SEMA6D: variants seen among roughly 807,000 people sequenced by gnomAD.
The protein encoded by SEMA6D is semaphorin-6D.
A neutral mutation model predicts 106.6 loss-of-function variants in SEMA6D; 35 were observed. That is an observed-to-expected ratio of 0.33 (90% CI 0.25 to 0.44). The LOEUF (loss-of-function observed/expected upper bound fraction) is 0.44. Ranked by LOEUF, SEMA6D falls within the 20% of genes least tolerant of loss-of-function variation. The pLI is 1.00. For synonymous variants in SEMA6D, 499 were observed against 487.7 expected (o/e 1.02, Z -0.31); for missense variants, 1,185 against 1,345.9 (o/e 0.88, Z 1.87).
chr15:47,502,763 C>G (rs2043897328), intron 3 of SEMA6D, among the ~76,000 whole-genome samples: 2 of 152,198 alleles, frequency 1.3e-5, no homozygotes, highest in Admixed American at 1.3e-4. Flanking sequence ...TGTATTAATA[C>G]TCTTCCTGCC....
chr15:47,457,275 T>C (rs2042372375), intron 2 of SEMA6D, among the ~76,000 whole-genome samples: 1 of 151,726 alleles, frequency 6.6e-6, no homozygotes, highest in Admixed American at 6.6e-5. Flanking sequence ...CATTCAAAAA[T>C]ATAAAATTCA....
chr15:47,186,414 ACC>A (rs1442464017), intron 1 of SEMA6D, among the ~76,000 whole-genome samples: 8 of 152,188 alleles, frequency 5.3e-5, no homozygotes, highest in African/African-American at 9.7e-5. Context: ...AGGCATCCAG[ACC>A]ATACTCACGG....
chr15:47,404,479 A>G (rs879696567), intron 1 of SEMA6D, among the ~76,000 whole-genome samples: 7 of 152,278 alleles, frequency 4.6e-5, no homozygotes, highest in Non-Finnish European at 8.8e-5. Context: ...TCACAGGACC[A>G]TCTGATTGAA....
chr15:47,220,951 A>G (rs2031140449), intron 1 of SEMA6D, among the ~76,000 whole-genome samples: 1 of 152,240 alleles, frequency 6.6e-6, no homozygotes, highest in African/African-American at 2.4e-5. Context: ...CAATAACCAC[A>G]ATGTTAATAT....
intron 1 of SEMA6D, among the ~76,000 whole-genome samples, chr15:47,222,088 G>A (rs1012692898): frequency 6.6e-6 from 1 of 152,036 alleles, no homozygotes; most frequent in Non-Finnish European, 1.5e-5. Context: ...CCAACTGAGT[G>A]GATTATAATT....
At chr15:47,265,356 T>C in intron 1 of SEMA6D, among the ~76,000 whole-genome samples, 1 of 151,962 alleles carries the variant, frequency 6.6e-6, no homozygotes, top group Non-Finnish European at 1.5e-5. Flanking sequence ...TGTCTATGAT[T>C]GTATCCATTT....
intron 2 of SEMA6D, among the ~76,000 whole-genome samples, chr15:47,470,314 T>G (rs182769406): frequency 7.9e-5 from 12 of 152,270 alleles, no homozygotes; most frequent in African/African-American, 2.9e-4. Flanking sequence ...CATGGAGAAA[T>G]CTTTTTGATT....
intron 1 of SEMA6D, among the ~76,000 whole-genome samples, chr15:47,261,486 GCT>G (rs2034073141): frequency 1.3e-5 from 2 of 152,040 alleles, no homozygotes; most frequent in South Asian, 4.1e-4. Context: ...TTTGGTCTCA[GCT>G]CTGTTTTATT....
At position 47,763,774 on chromosome 15, in the gene SEMA6D, C is replaced by T. The variant is rs2082189454; in HGVS notation, c.748-76C>T. 16 of 1,291,716 alleles carry T rather than the reference C, an allele frequency of 1.2e-5. No homozygotes were observed. The South Asian group carries it at 1.4e-4, about 12-fold the overall frequency. The allele number at this position is 1,291,716 out of a possible 1,614,324, so 80.0% of individuals were successfully genotyped here. On this transcript the variant is annotated intron_variant, in intron 9 of 18. Coordinates refer to ENST00000536845, the MANE Select transcript of SEMA6D (RefSeq NM_001358351.3). ...GTATCTTTAGTATTTTTTGTCCCTCCCTTAAACAGTATCATTTTGTTTCCA... is the reference window on the plus strand; with the variant it reads ...GTATCTTTAGTATTTTTTGTCCCTCTCTTAAACAGTATCATTTTGTTTCCA...
chr15:47,281,100 G>C (rs4447358), intron 1 of SEMA6D, among the ~76,000 whole-genome samples: 1 of 36,370 alleles, frequency 2.7e-5, no homozygotes, highest in Non-Finnish European at 5.1e-5. Context: ...TTTCTGTCTT[G>C]TTGATCTGTC....
intron 1 of SEMA6D, among the ~76,000 whole-genome samples, chr15:47,241,631 G>A (rs1404414360): frequency 1.3e-5 from 2 of 151,494 alleles, no homozygotes; most frequent in African/African-American, 2.4e-5. Flanking sequence ...AACTTAGATT[G>A]TCAAACCAAC....
chr15:47,241,957 C>T (rs1193863966), intron 1 of SEMA6D, among the ~76,000 whole-genome samples: 1 of 152,022 alleles, frequency 6.6e-6, no homozygotes, highest in East Asian at 1.9e-4. Flanking sequence ...CCAATCTGTA[C>T]AAGCTTTGTG....
chr15:47,395,886 G>A (rs2040197880), intron 1 of SEMA6D, among the ~76,000 whole-genome samples: 2 of 152,180 alleles, frequency 1.3e-5, no homozygotes, highest in African/African-American at 4.8e-5. Flanking sequence ...GTTGTAGATT[G>A]CATGTTTGCA....
chr15:47,355,338 T>A (rs1374716894), intron 1 of SEMA6D, among the ~76,000 whole-genome samples: 1 of 152,186 alleles, frequency 6.6e-6, no homozygotes, highest in Non-Finnish European at 1.5e-5. Context: ...CTCTAAAATT[T>A]CTTATTGTAG....
intron 1 of SEMA6D, among the ~76,000 whole-genome samples, chr15:47,356,221 C>T (rs1416605690): frequency 6.6e-6 from 1 of 152,182 alleles, no homozygotes; most frequent in East Asian, 1.9e-4. Flanking sequence ...CTAAATCCCT[C>T]AGGGAGGATA....
In SEMA6D at chr15:47,759,860, T is replaced by C; in HGVS notation, c.62T>C (p.Val21Ala). ...LLLMVSQLRAVSFPEDDEPLN... is the reference protein window; with the variant it reads ...LLLMVSQLRAASFPEDDEPLN... Reference sequence around the variant, plus strand: ...CTGATGGTTTCCCAGTTGAGGGCAGTCAGCTTTCCTGAAGATGATGAACCC... The same window carrying C: ...CTGATGGTTTCCCAGTTGAGGGCAGCCAGCTTTCCTGAAGATGATGAACCC... The change falls in exon 2 of 19, where the codon GTC becomes GCC. Residue 21 changes from valine (V) to alanine (A), a missense_variant. Physicochemically the swap from Val to Ala is moderately conservative, Grantham distance 64. Around this residue, in one of 3 missense-constraint regions of SEMA6D, gnomAD observed 144 missense variants for 138.6 expected, o/e 1.04. Transcript: ENST00000536845. 6.2e-7 allele frequency: 1 copy of C among 1,613,800 alleles called. No homozygotes were observed. The highest frequency in any genetic ancestry group is 8.5e-7 in the Non-Finnish European group (1 of 1,179,736).
intron 1 of SEMA6D, among the ~76,000 whole-genome samples, chr15:47,333,511 A>G (rs1470771983): frequency 6.6e-6 from 1 of 152,122 alleles, no homozygotes; most frequent in Non-Finnish European, 1.5e-5. Context: ...AGATGACAAT[A>G]ATGTCATTAG....
intron 1 of SEMA6D, among the ~76,000 whole-genome samples, chr15:47,253,828 T>C (rs2033649552): frequency 6.6e-6 from 1 of 152,202 alleles, no homozygotes; most frequent in South Asian, 2.1e-4. Flanking sequence ...TTGCTTTGGC[T>C]ATCCGAGGTC....
chr15:47,701,072 A>G (rs527941805), intron 4 of SEMA6D, among the ~76,000 whole-genome samples: 3 of 152,230 alleles, frequency 2.0e-5, no homozygotes, highest in African/African-American at 2.4e-5. Flanking sequence ...GGCACAGTCT[A>G]TGAAAGAAGG....
Sources: allele counts gnomAD v4.1 joint callset (sites outside exome capture counted in the v4.1 genomes callset), GRCh38; gene constraint gnomAD v4.1.1; regional missense constraint gnomAD v4.1.1; transcripts MANE v1.5; gene names NCBI Gene and HGNC (gene_info 2026-07-23, HGNC 2026-07-21).